Variants in ST18 observed in about 807,000 individuals in gnomAD.
ST18 encodes the protein ST18 C2H2C-type zinc finger transcription factor.
A neutral mutation model predicts 110.0 loss-of-function variants in ST18; 50 were observed. The ratio of observed to expected loss-of-function variants is 0.45; its 90% CI spans 0.36 to 0.58. The LOEUF (loss-of-function observed/expected upper bound fraction) is 0.58, where lower values mean the gene tolerates loss of function less well. Among genes scored for constraint, ST18 ranks in the 20% least tolerant of loss-of-function variants. The pLI, the probability that ST18 is intolerant of heterozygous loss-of-function variation, is 0.00. For synonymous variants in ST18, 461 were observed against 452.4 expected (o/e 1.02, Z -0.24); for missense variants, 1,306 against 1,280.1 (o/e 1.02, Z -0.31).
intron 2 of ST18, among the ~76,000 whole-genome samples, chr8:52,264,523 A>T (rs1398302691): frequency 6.6e-6 from 1 of 152,198 alleles, no homozygotes; most frequent in Non-Finnish European, 1.5e-5. Flanking sequence ...CAGACACAAG[A>T]GGCTTAAGGG....
chr8:52,164,797 T>TAGG (rs1407086574), intron 12 of ST18, among the ~76,000 whole-genome samples: 3 of 152,210 alleles, frequency 2.0e-5, no homozygotes, highest in Non-Finnish European at 4.4e-5. Flanking sequence ...GAAGCAACTC[T>TAGG]TTGCAATGTC....
At chr8:52,326,605 A>T (rs1190687101) in intron 2 of ST18, among the ~76,000 whole-genome samples, 2 of 152,342 alleles carry the variant, frequency 1.3e-5, no homozygotes, top group East Asian at 3.9e-4. Flanking sequence ...CTGTATCACC[A>T]TAACAATGCA....
chr8:52,372,371 A>G (rs1830581409), intron 2 of ST18, among the ~76,000 whole-genome samples: 1 of 152,256 alleles, frequency 6.6e-6, no homozygotes, highest in African/African-American at 2.4e-5. Flanking sequence ...AAAAGTTTAT[A>G]AAGTAAAAAA....
chr8:52,124,053 G>T (rs963367132), intron 23 of ST18, among the ~76,000 whole-genome samples: 7 of 152,142 alleles, frequency 4.6e-5, no homozygotes, highest in African/African-American at 1.7e-4. Context: ...CTTCTAAAAG[G>T]CAAGGTCAAA....
chr8:52,202,719 A>G (rs1329789087), intron 8 of ST18, among the ~76,000 whole-genome samples: 3 of 152,242 alleles, frequency 2.0e-5, no homozygotes, highest in Non-Finnish European at 1.5e-5. Context: ...AAAGGAAAGA[A>G]TTATGCCAGG....
At chr8:52,373,968 G>A (rs962419928) in intron 2 of ST18, among the ~76,000 whole-genome samples, 7 of 152,024 alleles carry the variant, frequency 4.6e-5, no homozygotes, top group Non-Finnish European at 7.4e-5. Context: ...ACTCCAGGGC[G>A]AACAGTTTTC....
chr8:52,218,345 T>C (rs2085187401), intron 5 of ST18, among the ~76,000 whole-genome samples: 1 of 151,784 alleles, frequency 6.6e-6, no homozygotes, highest in Non-Finnish European at 1.5e-5. Context: ...TAAAATTGTC[T>C]AGTTAGATAG....
intron 2 of ST18, among the ~76,000 whole-genome samples, chr8:52,241,997 G>A (rs1318499205): frequency 1.3e-5 from 2 of 151,990 alleles, no homozygotes; most frequent in Non-Finnish European, 2.9e-5. Flanking sequence ...GCTAGGTACT[G>A]AGGAGAATAA....
intron 2 of ST18, among the ~76,000 whole-genome samples, chr8:52,259,886 G>A (rs2094632296): frequency 2.0e-5 from 3 of 152,142 alleles, no homozygotes; most frequent in African/African-American, 7.2e-5. Flanking sequence ...ACTCTCCAGT[G>A]AATTTTTCAG....
chr8:52,161,239 C>T (rs1461907689), intron 14 of ST18, 136 bp downstream of exon 14: 12 of 814,384 alleles, frequency 1.5e-5, no homozygotes, highest in Non-Finnish European at 2.0e-5. Flanking sequence ...TGGTATTTCA[C>T]TTGAATATAT....
intron 2 of ST18, among the ~76,000 whole-genome samples, chr8:52,351,829 CAA>C (rs1480301739): frequency 8.5e-5 from 13 of 152,210 alleles, no homozygotes; most frequent in African/African-American, 3.1e-4. Flanking sequence ...CAACAATGAA[CAA>C]TCAGTTAAAA....
At chr8:52,293,823 C>T (rs1353708401) in intron 2 of ST18, among the ~76,000 whole-genome samples, 3 of 152,156 alleles carry the variant, frequency 2.0e-5, no homozygotes, top group Non-Finnish European at 4.4e-5. Flanking sequence ...TAACACACTA[C>T]ACCAATGTTA....
At chr8:52,113,975 T>G (rs1015904092) in intron 25 of ST18, among the ~76,000 whole-genome samples, 1 of 121,978 alleles carries the variant, frequency 8.2e-6, no homozygotes, top group African/African-American at 3.1e-5. Flanking sequence ...TTTTTTTTTT[T>G]TTTTTTTTTT....
intron 2 of ST18, among the ~76,000 whole-genome samples, chr8:52,385,671 A>G (rs1297553232): frequency 6.7e-6 from 1 of 148,166 alleles, no homozygotes; most frequent in Non-Finnish European, 1.5e-5. Flanking sequence ...ACTCTGCCAT[A>G]CCTCCTGCTG....
intron 2 of ST18, among the ~76,000 whole-genome samples, chr8:52,264,518 A>G (rs1376271376): frequency 6.6e-6 from 1 of 152,210 alleles, no homozygotes; most frequent in Non-Finnish European, 1.5e-5. Context: ...AAATCCAGAC[A>G]CAAGAGGCTT....
At chr8:52,347,237 T>C (rs1818183271) in intron 2 of ST18, among the ~76,000 whole-genome samples, 1 of 152,226 alleles carries the variant, frequency 6.6e-6, no homozygotes, top group Admixed American at 6.5e-5. Context: ...AAGGTTATGA[T>C]GACATAAAAT....
intron 2 of ST18, among the ~76,000 whole-genome samples, chr8:52,329,300 G>C (rs911885524): frequency 6.7e-6 from 1 of 149,746 alleles, no homozygotes; most frequent in African/African-American, 2.5e-5. Flanking sequence ...AAAAAAAAAG[G>C]CTGGCACTGC....
intron 22 of ST18, 28 bp from the exon 23 acceptor site, chr8:52,126,168 A>G (rs753429992): frequency 6.3e-7 from 1 of 1,586,656 alleles, no homozygotes; most frequent in South Asian, 1.1e-5. Flanking sequence ...GTACTAATGT[A>G]TGAAATGTAT....
intron 2 of ST18, among the ~76,000 whole-genome samples, chr8:52,345,431 A>G (rs1817298099): frequency 6.6e-6 from 1 of 152,264 alleles, no homozygotes; most frequent in Admixed American, 6.5e-5. Flanking sequence ...AGCAGATGAG[A>G]GAGGATGGAT....
Sources: allele counts gnomAD v4.1 joint callset (sites outside exome capture counted in the v4.1 genomes callset), GRCh38; gene constraint gnomAD v4.1.1; transcripts MANE v1.5; gene names NCBI Gene and HGNC (gene_info 2026-07-23, HGNC 2026-07-21).